Variants in ZNF782 observed in about 807,000 individuals in gnomAD.
ZNF782 encodes the protein zinc finger protein 782.
A neutral mutation model predicts 13.0 loss-of-function variants in ZNF782; 12 were observed. The ratio of observed to expected loss-of-function variants is 0.92; its 90% CI spans 0.59 to 1.50. The LOEUF (loss-of-function observed/expected upper bound fraction) is 1.50, where lower values mean the gene tolerates loss of function less well. ZNF782 is among the 40% of genes most tolerant of loss of function. ZNF782 has a pLI of 0.00. For synonymous variants in ZNF782, 284 were observed against 283.0 expected (o/e 1.00, Z -0.04); for missense variants, 770 against 822.9 (o/e 0.94, Z 0.79).
At chr9:96,865,055 A>T (rs895922749) in intron 1 of ZNF782, among the ~76,000 whole-genome samples, 20 of 149,310 alleles carry the variant, frequency 1.3e-4, no homozygotes, top group Non-Finnish European at 2.2e-4. Flanking sequence ...CTTAAAATTT[A>T]AAAAAAAAAT....
At chr9:96,927,579 G>A in the ZNF782 span, among the ~76,000 whole-genome samples, 147 of 152,292 alleles carry the variant, frequency 9.7e-4, no homozygotes, top group Middle Eastern at 3.4e-3. Context: ...ACAGTGGAGA[G>A]TTAACAATAA....
intron 1 of ZNF782, among the ~76,000 whole-genome samples, chr9:96,874,840 G>A (rs749117657): frequency 2.6e-5 from 4 of 152,152 alleles, no homozygotes; most frequent in Non-Finnish European, 4.4e-5. Flanking sequence ...AAATTTTAGG[G>A]ACACAAACCT....
At chr9:96,911,197 T>C in the ZNF782 span, among the ~76,000 whole-genome samples, 3 of 144,084 alleles carry the variant, frequency 2.1e-5, no homozygotes, top group East Asian at 4.4e-4. Flanking sequence ...CCCAGCACTT[T>C]GGGAGGCCGA....
At chr9:96,844,665 A>C (rs985738004) in intron 4 of ZNF782, among the ~76,000 whole-genome samples, 43 of 152,184 alleles carry the variant, frequency 2.8e-4, no homozygotes, top group African/African-American at 9.9e-4. Flanking sequence ...CATGATTTGG[A>C]TTGTGGTAAT....
the ZNF782 span, chr9:96,931,686 C>T: frequency 6.2e-6 from 10 of 1,608,754 alleles, no homozygotes; most frequent in Admixed American, 5.0e-5. Flanking sequence ...GACCTGGAGA[C>T]GCCAGCTCAT....
At chr9:96,911,552 G>T in the ZNF782 span, among the ~76,000 whole-genome samples, 4 of 122,862 alleles carry the variant, frequency 3.3e-5, no homozygotes, top group East Asian at 1.2e-3. Context: ...AGTTAGTCTC[G>T]CTCTTTCTCC....
chr9:96,925,262 A>C, the ZNF782 span, among the ~76,000 whole-genome samples: 1 of 151,758 alleles, frequency 6.6e-6, no homozygotes, highest in Admixed American at 6.5e-5. Context: ...AGATGGGGAA[A>C]TGGAGGGACG....
chr9:96,894,496 T>G, the ZNF782 span: 12,107 of 152,158 alleles, frequency 0.08, 1,451 homozygotes, highest in African/African-American at 0.26. Context: ...TCCTTACTCT[T>G]GAAGTTTCCT....
chr9:96,879,173 CATAGT>C (rs1851931983), upstream of ZNF782, among the ~76,000 whole-genome samples: 1 of 152,166 alleles, frequency 6.6e-6, no homozygotes, highest in African/African-American at 2.4e-5. Context: ...CTCACTTTGG[CATAGT>C]CAATTGTTAA....
intron 4 of ZNF782, among the ~76,000 whole-genome samples, chr9:96,834,870 GTA>G (rs1850936361): frequency 6.6e-6 from 1 of 152,192 alleles, no homozygotes; most frequent in Admixed American, 6.5e-5. Context: ...GGGCAGGCCA[GTA>G]TTGCCATGAA....
chr9:96,841,463 C>T (rs2118684446), intron 4 of ZNF782, among the ~76,000 whole-genome samples: 1 of 151,982 alleles, frequency 6.6e-6, no homozygotes, highest in East Asian at 1.9e-4. Context: ...CTCATAAATG[C>T]AAAACTACTT....
the ZNF782 span, chr9:96,893,702 A>G: frequency 6.7e-6 from 1 of 148,990 alleles, no homozygotes; most frequent in Non-Finnish European, 1.5e-5. Flanking sequence ...TGCAGCCATA[A>G]AAAATGATGA....
chr9:96,844,896 A>G lies in ZNF782; in HGVS notation c.136T>C (p.Ser46Pro). The G allele has an allele frequency of 6.2e-7, 1 of 1,613,992 alleles. No homozygotes were observed. Among genetic ancestry groups the G allele is most frequent in the Non-Finnish European group, 8.5e-7 (1 of 1,179,914 alleles). The change falls in exon 4 of 6, where the codon TCA (serine) becomes CCA (proline). Residue 46 changes from serine to proline, a missense_variant. Coordinates refer to ENST00000481138, the MANE Select transcript of ZNF782 (RefSeq NM_001001662.3). ...CATGGTAAGCTGTGCTCACCCACTG[A>G]GACGAGGTGGCTGTAGTTCTCCAGC... Reference protein sequence around the residue: ...VMLENYSHLVSVGYCFTKPEL... With the variant: ...VMLENYSHLVPVGYCFTKPEL...
upstream of ZNF782, among the ~76,000 whole-genome samples, chr9:96,878,565 T>C (rs1180570232): frequency 6.6e-6 from 1 of 152,228 alleles, no homozygotes; most frequent in Admixed American, 6.5e-5. Context: ...TTACAACTTC[T>C]TTACAATTTT....
chr9:96,893,664 T>C, the ZNF782 span: 1 of 151,110 alleles, frequency 6.6e-6, no homozygotes, highest in East Asian at 1.9e-4. Flanking sequence ...ATTAAGAAAA[T>C]GTGGCACATA....
At chr9:96,925,117 T>G in the ZNF782 span, among the ~76,000 whole-genome samples, 4 of 152,164 alleles carry the variant, frequency 2.6e-5, no homozygotes, top group Non-Finnish European at 5.9e-5. Flanking sequence ...GTCGTCTCCC[T>G]GCCCCGAACC....
At chr9:96,900,079 G>A in the ZNF782 span, among the ~76,000 whole-genome samples, 1 of 152,020 alleles carries the variant, frequency 6.6e-6, no homozygotes, top group Non-Finnish European at 1.5e-5. Context: ...GATTACAGGC[G>A]TGAGCCATTG....
At position 96,861,215 on chromosome 9, in the gene ZNF782, G is replaced by A. The variant is rs142027206; in HGVS notation, c.-381+313C>T. Among the ~76,000 whole-genome samples, 5 of 152,266 alleles carry A rather than the reference G, an allele frequency of 3.3e-5. No individual in the cohort carries two copies. In the East Asian group the frequency reaches 9.6e-4, roughly 29 times the overall value. On this transcript the variant is annotated intron_variant, in intron 2 of 5. Transcript: ENST00000498811. ...TCTTGAATAATATTTTATAAGCACA[G>A]GCAGCCAAAGCAAAAATGGGCAAAT...
chr9:96,818,449 T>C lies in ZNF782; in HGVS notation c.1574A>G (p.His525Arg). The change falls in exon 6 of 6, where the codon CAT becomes CGT. Residue 525 changes from histidine to arginine, a missense_variant. His to Arg is a conservative substitution (Grantham distance 29). Transcript: ENST00000481138. ...FKLKSGLRKH[H>R]RTHTGEKPYK... ...GGGCTTCTCCCCTGTGTGTGTTCTA[T>C]GATGTTTCCTCAGGCCTGACTTCAG... 6.2e-7 allele frequency: 1 copy of C among 1,614,142 alleles called. No individual in the cohort carries two copies. The highest frequency in any genetic ancestry group is 8.5e-7 in the Non-Finnish European group (1 of 1,180,040).
Sources: allele counts gnomAD v4.1 joint callset (sites outside exome capture counted in the v4.1 genomes callset), GRCh38; gene constraint gnomAD v4.1.1; transcripts MANE v1.5; gene names NCBI Gene and HGNC (gene_info 2026-07-23, HGNC 2026-07-21).